Variants in SPAG9 observed in about 807,000 individuals in gnomAD.
The protein encoded by SPAG9 is sperm associated antigen 9.
In SPAG9, 35 loss-of-function variants were observed where a neutral mutation model predicts 166.5. The ratio of observed to expected loss-of-function variants is 0.21; its 90% CI spans 0.16 to 0.28. The LOEUF (loss-of-function observed/expected upper bound fraction) is 0.28, where lower values mean the gene tolerates loss of function less well. Among genes scored for constraint, SPAG9 ranks in the 10% least tolerant of loss-of-function variants. The pLI, the probability that SPAG9 is intolerant of heterozygous loss-of-function variation, is 1.00. For missense variants in SPAG9, 1,235 were observed against 1,603.3 expected (o/e 0.77, Z 3.92); for synonymous variants, 534 against 565.5 (o/e 0.94, Z 0.79).
At chr17:51,079,054 T>G (rs1410333330) in intron 2 of SPAG9, among the ~76,000 whole-genome samples, 1 of 152,144 alleles carries the variant, frequency 6.6e-6, no homozygotes, top group African/African-American at 2.4e-5. Flanking sequence ...GTGAGTCTGA[T>G]CGATATATCT....
chr17:51,109,098 G>A (rs2049032375), intron 1 of SPAG9, among the ~76,000 whole-genome samples: 1 of 151,752 alleles, frequency 6.6e-6, no homozygotes, highest in African/African-American at 2.4e-5. Flanking sequence ...CTGACCTCAG[G>A]TGATCCGCCC....
At chr17:51,021,544 G>T (rs974848447) in intron 6 of SPAG9, among the ~76,000 whole-genome samples, 179 bp from the exon 7 acceptor site, 3 of 151,900 alleles carry the variant, frequency 2.0e-5, no homozygotes, top group Admixed American at 1.3e-4. Flanking sequence ...AAATAATCGG[G>T]AAATATTTAA....
intron 4 of SPAG9, chr17:51,046,910 T>C: frequency 6.7e-7 from 1 of 1,501,934 alleles, no homozygotes; most frequent in Non-Finnish European, 8.9e-7. Flanking sequence ...GCCTATTAAC[T>C]ATTTTCCCCT....
chr17:51,049,675 G>A (rs1231986224), intron 3 of SPAG9, among the ~76,000 whole-genome samples: 3 of 152,038 alleles, frequency 2.0e-5, no homozygotes, highest in Admixed American at 1.3e-4. Context: ...GCGCGATCTC[G>A]GCTTATTGCA....
intron 27 of SPAG9, chr17:50,975,936 G>A: frequency 1.3e-6 from 2 of 1,499,100 alleles, no homozygotes; most frequent in East Asian, 2.5e-5. Context: ...GACATGGAGA[G>A]GTGCATGACA....
At chr17:51,095,367 TG>T in intron 1 of SPAG9, among the ~76,000 whole-genome samples, 1 of 148,330 alleles carries the variant, frequency 6.7e-6, no homozygotes, top group Admixed American at 6.8e-5. Flanking sequence ...CCCAGCACTT[TG>T]GGAGACTGAA....
chr17:51,054,443 T>A (rs2047302626), intron 3 of SPAG9, among the ~76,000 whole-genome samples: 2 of 125,928 alleles, frequency 1.6e-5, no homozygotes. Flanking sequence ...TTTTTTTGGC[T>A]TTTTTTTTTT....
intron 16 of SPAG9, 27 bp from the exon 17 acceptor site, chr17:50,995,560 A>G: frequency 2.2e-6 from 3 of 1,377,552 alleles, no homozygotes; most frequent in Non-Finnish European, 3.1e-6. Context: ...GAGGAGTGAA[A>G]AAGGCACATT....
intron 2 of SPAG9, among the ~76,000 whole-genome samples, chr17:51,065,850 A>C (rs1214701314): frequency 6.6e-6 from 1 of 152,154 alleles, no homozygotes; most frequent in Non-Finnish European, 1.5e-5. Context: ...CCTCCAACTT[A>C]ATGCAGGTAA....
chr17:51,014,324 G>T lies in SPAG9; in HGVS notation c.1121C>A (p.Ala374Asp). ...GAGAGATTCTGTATTGCGATCAAAA[G>T]CTTTGTTCTCTATGCCTTTGGTGGG... ...STPTKGIENK[A>D]FDRNTESLFE... The change falls in exon 9 of 30, where the codon GCT becomes GAT. Residue 374 changes from alanine (A) to aspartate (D), a missense_variant. Physicochemically the swap from Ala to Asp is moderately radical, Grantham distance 126 (BLOSUM62 -2). Transcript: ENST00000262013. 6.2e-7 allele frequency: 1 copy of T among 1,613,406 alleles called. No individual in the cohort carries two copies. Among genetic ancestry groups the T allele is most frequent in the African/African-American group, 1.3e-5 (1 of 75,020 alleles).
At chr17:51,086,827 T>C (rs2048320296) in intron 1 of SPAG9, among the ~76,000 whole-genome samples, 1 of 151,758 alleles carries the variant, frequency 6.6e-6, no homozygotes, top group South Asian at 2.1e-4. Flanking sequence ...GAGGCTGAGG[T>C]AGGAAAATTG....
chr17:51,034,906 T>G (rs552658717), intron 5 of SPAG9, among the ~76,000 whole-genome samples: 28 of 152,128 alleles, frequency 1.8e-4, no homozygotes, highest in East Asian at 5.8e-4. Flanking sequence ...GGGAGAGACA[T>G]TCTACAAAAC....
intron 5 of SPAG9, among the ~76,000 whole-genome samples, chr17:51,037,189 GCCT>G (rs1303388927): frequency 6.6e-6 from 1 of 152,126 alleles, no homozygotes; most frequent in Non-Finnish European, 1.5e-5. Flanking sequence ...TATAGCCTCA[GCCT>G]CCCAGGCTCA....
chr17:51,092,358 A>AT (rs2048490128), intron 1 of SPAG9, among the ~76,000 whole-genome samples: 1 of 151,376 alleles, frequency 6.6e-6, no homozygotes, highest in African/African-American at 2.4e-5. Context: ...ACCATTATAT[A>AT]AAGAGGAACT....
intron 5 of SPAG9, among the ~76,000 whole-genome samples, chr17:51,035,263 C>A (rs931938152): frequency 6.6e-6 from 1 of 152,086 alleles, no homozygotes; most frequent in African/African-American, 2.4e-5. Context: ...CAGTATTGTA[C>A]CAAAGTTAAT....
intron 19 of SPAG9, among the ~76,000 whole-genome samples, chr17:50,992,867 C>T (rs1189145178): frequency 4.6e-5 from 7 of 151,724 alleles, no homozygotes; most frequent in South Asian, 2.1e-4. Context: ...GAGACCGAGG[C>T]GGGCAGATCA....
At chr17:51,082,392 A>AC (rs2048189935) in intron 1 of SPAG9, among the ~76,000 whole-genome samples, 2 of 151,136 alleles carry the variant, frequency 1.3e-5, no homozygotes, top group African/African-American at 4.9e-5. Context: ...AAAAAAAAAA[A>AC]AAAAAAAAAA....
chr17:50,999,276 A>C (rs949076243), intron 14 of SPAG9, among the ~76,000 whole-genome samples: 2 of 152,100 alleles, frequency 1.3e-5, no homozygotes, highest in African/African-American at 4.8e-5. Context: ...ACAAGCACTA[A>C]ATTTCTCATC....
At chr17:51,036,070 C>T (rs1229892600) in intron 5 of SPAG9, among the ~76,000 whole-genome samples, 1 of 152,124 alleles carries the variant, frequency 6.6e-6, no homozygotes, top group Non-Finnish European at 1.5e-5. Context: ...CTCTGCCCTT[C>T]TTCTAAGATT....
Sources: gnomAD v4.1 joint callset for allele counts (sites outside exome capture counted in the v4.1 genomes callset) on GRCh38, gnomAD v4.1.1 for gene constraint, MANE v1.5 for transcripts, NCBI Gene and HGNC (gene_info 2026-07-23, HGNC 2026-07-21) for gene names.